The following MAP3K19 variants were observed in gnomAD, a reference collection of about 807,000 sequenced individuals.
The protein encoded by MAP3K19 is mitogen-activated protein kinase kinase kinase 19, also known as SPS1/STE20-related protein kinase YSK4.
A neutral mutation model predicts 114.4 loss-of-function variants in MAP3K19; 91 were observed. The ratio of observed to expected loss-of-function variants is 0.80; its 90% CI spans 0.67 to 0.95. MAP3K19 has a LOEUF of 0.95. MAP3K19 is among the 40% of genes least tolerant of loss of function. The pLI is 0.00. For synonymous variants in MAP3K19, 518 were observed against 530.5 expected (o/e 0.98, Z 0.32); for missense variants, 1,471 against 1,573.2 (o/e 0.94, Z 1.10).
intron 9 of MAP3K19, among the ~76,000 whole-genome samples, chr2:134,990,049 C>T (rs1685448930): frequency 6.6e-6 from 1 of 151,726 alleles, no homozygotes; most frequent in South Asian, 2.1e-4. Flanking sequence ...GCCAACTGCA[C>T]TCCAGCCTGG....
intron 11 of MAP3K19, among the ~76,000 whole-genome samples, chr2:134,981,886 T>C (rs1441425071): frequency 1.4e-5 from 2 of 145,726 alleles, no homozygotes; most frequent in South Asian, 2.1e-4. Flanking sequence ...TTTTCTTTTT[T>C]TTTTTTTTTT....
At position 135,021,844 on chromosome 2, in the gene MAP3K19, CATA is replaced by C; in HGVS notation, c.23-17_23-15del. On this transcript the variant is annotated splice_polypyrimidine_tract_variant and intron_variant, in intron 4 of 12. Coordinates refer to ENST00000392915, the MANE Select transcript of MAP3K19 (RefSeq NM_025052.5). The stretch of plus-strand genomic sequence containing the variant: ...CAGCATGTCTTTCTATCAAAAGAAA[CATA>C]ATAGTATGTTTTGATAAGATTCATC... The C allele has an allele frequency of 2.0e-6, 3 of 1,492,084 alleles. No homozygotes were observed. The highest frequency in any genetic ancestry group is 1.7e-4 in the Middle Eastern group (1 of 5,842). The allele number at this position is 1,492,084 out of a possible 1,614,324, so 92.4% of individuals were successfully genotyped here. A position where few individuals can be genotyped will look rare whatever the true frequency, so the allele number is the denominator to read the frequency against.
At chr2:135,007,534 TTTTC>T (rs1686915060) in intron 5 of MAP3K19, among the ~76,000 whole-genome samples, 1 of 152,192 alleles carries the variant, frequency 6.6e-6, no homozygotes, top group Non-Finnish European at 1.5e-5. Context: ...TTTCCTTTTT[TTTTC>T]TTTTTGTTCT....
chr2:135,025,042 G>A (rs533057302), intron 3 of MAP3K19, among the ~76,000 whole-genome samples: 1 of 151,934 alleles, frequency 6.6e-6, no homozygotes, highest in Non-Finnish European at 1.5e-5. Flanking sequence ...ATAAAATCAA[G>A]TAAAGATAAA....
chr2:135,032,447 C>T (rs1378258355), intron 2 of MAP3K19, among the ~76,000 whole-genome samples: 1 of 151,536 alleles, frequency 6.6e-6, no homozygotes, highest in African/African-American at 2.4e-5. Context: ...CCAGCAATTC[C>T]ACTCCTAGGT....
Position 134,987,467 on chromosome 2 carries a change from A to G in MAP3K19, c.1405T>C (p.Ser469Pro), listed in dbSNP as rs756691675. Reference protein sequence around the residue: ...CSSMETNIKISIAERAKPEMS... With the variant: ...CSSMETNIKIPIAERAKPEMS... ...TCTGGTTTGGCTCTTTCTGCTATTG[A>G]TATTTTTATGTTTGTCTCCATGCTG... is the stretch of plus-strand genomic sequence containing the variant. The change falls in exon 10 of 13, where the codon TCA becomes CCA. Residue 469 changes from serine to proline, a missense_variant. By Grantham distance (74) the Ser-to-Pro change is moderately conservative. Coordinates refer to ENST00000392915, the MANE Select transcript of MAP3K19 (RefSeq NM_025052.5). 1.9e-6 allele frequency: 3 copies of G among 1,614,008 alleles called. No individual in the cohort carries two copies. The highest frequency in any genetic ancestry group is 2.5e-6 in the Non-Finnish European group (3 of 1,180,024).
intron 3 of MAP3K19, among the ~76,000 whole-genome samples, chr2:135,025,970 G>T (rs187250227): frequency 1.4e-4 from 22 of 152,302 alleles, no homozygotes; most frequent in African/African-American, 5.3e-4. Context: ...GTTGATCATG[G>T]TCTCTGTCCT....
intron 6 of MAP3K19, 70 bp downstream of exon 6, chr2:135,005,365 T>C (rs1686738622): frequency 2.2e-5 from 25 of 1,154,282 alleles, no homozygotes; most frequent in Non-Finnish European, 3.3e-5. Context: ...AATAAGCCCT[T>C]CTGAAATTGG....
At chr2:135,042,206 T>A (rs1466842702) in intron 1 of MAP3K19, among the ~76,000 whole-genome samples, 2 of 152,170 alleles carry the variant, frequency 1.3e-5, no homozygotes, top group Non-Finnish European at 2.9e-5. Context: ...AAGATCCCCT[T>A]GAAAGAAGGC....
chr2:135,039,181 T>C (rs1688598075), intron 2 of MAP3K19, among the ~76,000 whole-genome samples: 1 of 151,126 alleles, frequency 6.6e-6, no homozygotes, highest in African/African-American at 2.4e-5. Context: ...TTAAAAAGCA[T>C]TCATGGAAAG....
chr2:134,965,225 C>A (rs531421186), intron 12 of MAP3K19, among the ~76,000 whole-genome samples: 154 of 152,252 alleles, frequency 1.0e-3, no homozygotes, highest in African/African-American at 3.6e-3. Context: ...GAAAACTAGG[C>A]CCTACTTTCC....
intron 5 of MAP3K19, among the ~76,000 whole-genome samples, chr2:135,007,356 T>C (rs1197738789): frequency 6.6e-6 from 1 of 152,208 alleles, no homozygotes; most frequent in Non-Finnish European, 1.5e-5. Flanking sequence ...GATATAGGCA[T>C]GCAATGCATA....
intron 5 of MAP3K19, among the ~76,000 whole-genome samples, chr2:135,008,974 CAG>C (rs761276227): frequency 6.6e-6 from 1 of 151,772 alleles, no homozygotes; most frequent in South Asian, 2.1e-4. Context: ...TTTTTTGAGA[CAG>C]AGTCTTGCTC....
intron 5 of MAP3K19, among the ~76,000 whole-genome samples, chr2:135,020,817 G>A (rs1687919703): frequency 6.6e-6 from 1 of 152,114 alleles, no homozygotes; most frequent in Non-Finnish European, 1.5e-5. Flanking sequence ...AGATGTGCCT[G>A]CTTCCCCTTT....
intron 12 of MAP3K19, among the ~76,000 whole-genome samples, chr2:134,972,281 C>G (rs1325791396): frequency 3.3e-5 from 5 of 151,976 alleles, no homozygotes; most frequent in African/African-American, 1.2e-4. Flanking sequence ...GGTAACCATC[C>G]TTCTACTCTC....
At chr2:135,016,801 C>T (rs1687610469) in intron 5 of MAP3K19, among the ~76,000 whole-genome samples, 1 of 152,104 alleles carries the variant, frequency 6.6e-6, no homozygotes, top group Admixed American at 6.6e-5. Context: ...AGTTTCCTAT[C>T]CTTTATATTA....
chr2:134,982,113 C>CT (rs35219224), intron 11 of MAP3K19, among the ~76,000 whole-genome samples: 14,824 of 76,478 alleles, frequency 0.19, 2,109 homozygotes, highest in Middle Eastern at 0.31. Flanking sequence ...CTTTTTCTTT[C>CT]TTTTTTTTTT....
chr2:135,032,149 G>C (rs1320361061), intron 2 of MAP3K19, among the ~76,000 whole-genome samples: 2 of 152,060 alleles, frequency 1.3e-5, no homozygotes, highest in African/African-American at 4.8e-5. Flanking sequence ...ATGAGGTCAG[G>C]AGTTCAAGAC....
intron 5 of MAP3K19, among the ~76,000 whole-genome samples, chr2:135,021,090 C>A (rs1044838459): frequency 6.6e-6 from 1 of 152,150 alleles, no homozygotes; most frequent in Non-Finnish European, 1.5e-5. Context: ...CACATAGACA[C>A]ACACACACAG....
Sources: allele counts gnomAD v4.1 joint callset (sites outside exome capture counted in the v4.1 genomes callset), GRCh38; gene constraint gnomAD v4.1.1; transcripts MANE v1.5; gene names NCBI Gene and HGNC (gene_info 2026-07-23, HGNC 2026-07-21).